HP1BP3: variants seen among roughly 807,000 people sequenced by gnomAD.
HP1BP3 encodes heterochromatin protein 1-binding protein 3.
HP1BP3 carries 12 observed loss-of-function variants against 62.5 expected under a neutral mutation model. That is an observed-to-expected ratio of 0.19 (90% CI 0.12 to 0.31). The LOEUF (loss-of-function observed/expected upper bound fraction) is 0.31, where lower values mean the gene tolerates loss of function less well. HP1BP3 is among the 10% of genes least tolerant of loss of function. The pLI, the probability that HP1BP3 is intolerant of heterozygous loss-of-function variation, is 1.00. For missense variants in HP1BP3, 502 were observed against 651.8 expected (o/e 0.77, Z 2.50); for synonymous variants, 260 against 237.8 (o/e 1.09, Z -0.86).
intron 4 of HP1BP3, chr1:20,775,876 A>G: frequency 7.6e-7 from 1 of 1,318,024 alleles, no homozygotes; most frequent in South Asian, 1.5e-5. Flanking sequence ...TGGCACGATG[A>G]TGAAATCGCC....
Position 20,745,672 on chromosome 1 carries a change from T to G in HP1BP3, c.1254-16A>C, listed in dbSNP as rs1256761986. 10 of 1,612,642 alleles carry G rather than the reference T, an allele frequency of 6.2e-6. No homozygotes were observed. The highest frequency in any genetic ancestry group is 8.5e-6 in the Non-Finnish European group (10 of 1,179,326). ...AACTCCTGGGCTATACGGGGAAAAA[T>G]TAGATTAAAACACAAGTCCCATATA... On this transcript the variant is annotated splice_polypyrimidine_tract_variant and intron_variant, in intron 11 of 12. Coordinates refer to ENST00000438032, the MANE Select transcript of HP1BP3 (RefSeq NM_001372052.1).
At chr1:20,779,710 TG>T (rs2057457317) in intron 3 of HP1BP3, 101 bp downstream of exon 3, 10 of 513,586 alleles carry the variant, frequency 1.9e-5, no homozygotes, top group Non-Finnish European at 3.2e-5. Flanking sequence ...CACTTAGCCA[TG>T]AAAAAAAAAA....
At chr1:20,760,278 C>T (rs112942280) in intron 8 of HP1BP3, among the ~76,000 whole-genome samples, 181 of 151,962 alleles carry the variant, frequency 1.2e-3, no homozygotes, top group African/African-American at 4.3e-3. Flanking sequence ...GTGGCTCACA[C>T]CTGTAATCCC....
intron 3 of HP1BP3, among the ~76,000 whole-genome samples, chr1:20,778,203 T>G (rs1241488085): frequency 6.6e-6 from 1 of 152,232 alleles, no homozygotes; most frequent in Non-Finnish European, 1.5e-5. Flanking sequence ...TCAAGAGTTA[T>G]GGCTTAATAA....
chr1:20,777,926 T>C (rs1420946937), intron 3 of HP1BP3, among the ~76,000 whole-genome samples: 3 of 152,236 alleles, frequency 2.0e-5, no homozygotes, highest in African/African-American at 7.2e-5. Context: ...AACTTCACTA[T>C]AACAATGGTA....
At chr1:20,777,464 TA>T (rs1203951706) in intron 3 of HP1BP3, among the ~76,000 whole-genome samples, 3 of 152,002 alleles carry the variant, frequency 2.0e-5, no homozygotes, top group African/African-American at 7.3e-5. Context: ...TTTATTTATT[TA>T]TTTTTTTTTT....
At chr1:20,773,376 G>C in intron 5 of HP1BP3, 75 bp downstream of exon 5, 2 of 1,323,396 alleles carry the variant, frequency 1.5e-6, no homozygotes, top group Non-Finnish European at 2.1e-6. Context: ...TGTCTAGACA[G>C]ATATATGCCA....
Position 20,741,835 on chromosome 1 carries a change from G to A in HP1BP3, c.*2962C>T, listed in dbSNP as rs2055092098. ...GCTAGAGATTTCTGGGATTACCTCT[G>A]GGGTTTGTTGTTCCCCTTTCTGAAC... On this transcript the variant is annotated 3_prime_UTR_variant, in exon 13 of 13. Coordinates refer to ENST00000438032, the MANE Select transcript of HP1BP3 (RefSeq NM_001372052.1). Among the ~76,000 whole-genome samples the A allele has an allele frequency of 6.6e-6, 1 of 152,148 alleles. No individual in the cohort carries two copies. The highest frequency in any genetic ancestry group is 1.5e-5 in the Non-Finnish European group (1 of 68,034).
At position 20,773,601 on chromosome 1, in the gene HP1BP3, A is replaced by G. The variant is rs774766737; in HGVS notation, c.360T>C (p.Asp120=). Residue 120 remains aspartate (D), a synonymous_variant, in exon 5 of 13, where the codon GAT becomes GAC. Transcript: ENST00000438032. ...SSEETKKDEK[D]QSKEKEKKVK... ...CTTTCTTCTCCTTTTCTTTAGACTG[A>G]TCTTTCTCACTTTAAAACAAAGAAT... 1.4e-5 allele frequency: 22 copies of G among 1,597,192 alleles called. No individual in the cohort carries two copies. Among genetic ancestry groups the G allele is most frequent in the Non-Finnish European group, 1.9e-5 (22 of 1,170,578 alleles).
At chr1:20,759,542 A>C (rs750771677) in intron 8 of HP1BP3, among the ~76,000 whole-genome samples, 6 of 152,236 alleles carry the variant, frequency 3.9e-5, no homozygotes, top group Non-Finnish European at 7.3e-5. Flanking sequence ...AATGAGAAGA[A>C]GGCACTCTGA....
intron 8 of HP1BP3, 120 bp from the exon 9 acceptor site, chr1:20,757,376 T>TA (rs2056183018): frequency 5.0e-3 from 1,673 of 333,038 alleles, no homozygotes; most frequent in Non-Finnish European, 6.7e-3. Context: ...ATTATTATTT[T>TA]TTTTTTTTTT....
intron 1 of HP1BP3, among the ~76,000 whole-genome samples, chr1:20,785,343 G>C (rs941374236): frequency 2.0e-5 from 3 of 152,188 alleles, no homozygotes; most frequent in African/African-American, 4.8e-5. Flanking sequence ...ACGTATTTCA[G>C]TTTACTGATA....
chr1:20,762,778 A>C (rs2056558851), intron 8 of HP1BP3, among the ~76,000 whole-genome samples: 1 of 152,128 alleles, frequency 6.6e-6, no homozygotes, highest in Admixed American at 6.5e-5. Context: ...GTGTAAAACC[A>C]AGCTGTGCCC....
chr1:20,779,711 G>GAA (rs200327876), intron 3 of HP1BP3, 101 bp downstream of exon 3: 129,607 of 486,240 alleles, frequency 0.27, 11,929 homozygotes, highest in African/African-American at 0.4. Flanking sequence ...ACTTAGCCAT[G>GAA]AAAAAAAAAA....
Position 20,776,732 on chromosome 1 carries a change from T to C in HP1BP3, c.215A>G (p.Glu72Gly). ...TTCTTCTACAGTGGAGACAGATTCC[T>C]CTGAACTTATGTCTGGTTCTAAAAA... is the stretch of plus-strand genomic sequence containing the variant. ...EEKPEPDISSEESVSTVEEQE... is the reference protein window; with the variant it reads ...EEKPEPDISSGESVSTVEEQE... Residue 72 changes from glutamate to glycine, a missense_variant, in exon 4 of 13, where the codon GAG becomes GGG. Transcript: ENST00000438032. 2 of 1,611,756 alleles carry C rather than the reference T, an allele frequency of 1.2e-6. No individual in the cohort carries two copies. Among genetic ancestry groups the C allele is most frequent in the Middle Eastern group, 1.7e-4 (1 of 6,060 alleles).
intron 2 of HP1BP3, 35 bp downstream of exon 2, chr1:20,780,310 C>A (rs542103477): frequency 1.3e-6 from 2 of 1,483,736 alleles, no homozygotes; most frequent in African/African-American, 1.4e-5. Context: ...AGGGATTGAT[C>A]CAAGAGTGAG....
chr1:20,750,816 CTTTT>C (rs767621434), intron 9 of HP1BP3, among the ~76,000 whole-genome samples: 3 of 116,528 alleles, frequency 2.6e-5, no homozygotes, highest in East Asian at 2.5e-4. Flanking sequence ...TATTTTCTCT[CTTTT>C]TTTTTTTTTT....
intron 6 of HP1BP3, among the ~76,000 whole-genome samples, chr1:20,768,776 GGT>G (rs1295295613): frequency 6.6e-6 from 1 of 151,942 alleles, no homozygotes; most frequent in Non-Finnish European, 1.5e-5. Flanking sequence ...GGAGGCAGAG[GGT>G]GTAGTGAGCT....
chr1:20,740,292 T>C lies in HP1BP3; in HGVS notation c.*4505A>G, dbSNP rs1421678772. ...TCTCTTTTGCTAAGCAAAGATTTAA[T>C]AGTGAACAGTGTTAATTATACATTA... On this transcript the variant is annotated 3_prime_UTR_variant, in exon 13 of 13. Transcript: ENST00000438032. Among the ~76,000 whole-genome samples, 1 of 152,184 alleles carries C rather than the reference T, an allele frequency of 6.6e-6. No individual in the cohort carries two copies. The highest frequency in any genetic ancestry group is 2.4e-5 in the African/African-American group (1 of 41,434).
Sources: gnomAD v4.1 joint callset for allele counts (sites outside exome capture counted in the v4.1 genomes callset) on GRCh38, gnomAD v4.1.1 for gene constraint, MANE v1.5 for transcripts, NCBI Gene and HGNC (gene_info 2026-07-23, HGNC 2026-07-21) for gene names.